The following NKAIN3 variants were observed in gnomAD, a reference collection of about 807,000 sequenced individuals.
NKAIN3 encodes sodium/potassium transporting ATPase interacting 3.
In NKAIN3, 25 loss-of-function variants were observed where a neutral mutation model predicts 30.2. That is an observed-to-expected ratio of 0.83 (90% CI 0.60 to 1.16). NKAIN3 has a LOEUF of 1.16. NKAIN3 is among the 50% of genes most tolerant of loss of function. The probability of loss-of-function intolerance (pLI) is 0.00; values close to 1 mark genes in which losing one functional copy is unlikely to be tolerated. For missense variants in NKAIN3, 225 were observed against 254.1 expected (o/e 0.89, Z 0.78); for synonymous variants, 91 against 89.6 (o/e 1.02, Z -0.09).
intron 1 of NKAIN3, among the ~76,000 whole-genome samples, chr8:62,461,691 A>C (rs942595504): frequency 3.9e-5 from 6 of 152,232 alleles, no homozygotes; most frequent in Non-Finnish European, 5.9e-5. Flanking sequence ...AGAAAAATTC[A>C]CAAGATCAGA....
chr8:62,470,997 A>G (rs1374586968), intron 1 of NKAIN3, among the ~76,000 whole-genome samples: 6 of 152,232 alleles, frequency 3.9e-5, no homozygotes, highest in South Asian at 4.1e-4. Context: ...TAAAAAAACT[A>G]AAACACACAG....
At chr8:62,836,708 C>A (rs1819377206) in intron 4 of NKAIN3, among the ~76,000 whole-genome samples, 1 of 152,086 alleles carries the variant, frequency 6.6e-6, no homozygotes, top group Non-Finnish European at 1.5e-5. Context: ...GAGGGCTTCT[C>A]ACTGCATCAT....
intron 1 of NKAIN3, among the ~76,000 whole-genome samples, chr8:62,359,918 G>T (rs768656752): frequency 6.6e-6 from 1 of 152,174 alleles, no homozygotes; most frequent in Non-Finnish European, 1.5e-5. Flanking sequence ...TGATTTCAAG[G>T]CTCTTATTAC....
chr8:62,879,160 C>A (rs541785210), intron 4 of NKAIN3, among the ~76,000 whole-genome samples: 1 of 152,290 alleles, frequency 6.6e-6, no homozygotes, highest in East Asian at 1.9e-4. Flanking sequence ...TCTCCACATC[C>A]TCTCCAGCAT....
chr8:62,333,644 A>G (rs923703361), intron 1 of NKAIN3, among the ~76,000 whole-genome samples: 11 of 152,134 alleles, frequency 7.2e-5, no homozygotes, highest in African/African-American at 2.7e-4. Flanking sequence ...ATGAACGTAT[A>G]GTAAACATAA....
At chr8:62,410,247 A>G (rs1392190291) in intron 1 of NKAIN3, among the ~76,000 whole-genome samples, 1 of 152,182 alleles carries the variant, frequency 6.6e-6, no homozygotes, top group Admixed American at 6.5e-5. Flanking sequence ...GGTTAGGATA[A>G]TGGCCTCCAG....
chr8:62,740,907 A>G (rs1361293870), intron 3 of NKAIN3, among the ~76,000 whole-genome samples: 1 of 151,982 alleles, frequency 6.6e-6, no homozygotes, highest in African/African-American at 2.4e-5. Flanking sequence ...TTAAGTCATA[A>G]CTCTGTGAAT....
At chr8:62,685,013 G>A (rs138509699) in intron 3 of NKAIN3, among the ~76,000 whole-genome samples, 12 of 152,208 alleles carry the variant, frequency 7.9e-5, no homozygotes, top group South Asian at 2.1e-4. Flanking sequence ...TAAGAGACTC[G>A]CATAGTCAGG....
At chr8:62,471,127 A>T (rs1215697911) in intron 1 of NKAIN3, among the ~76,000 whole-genome samples, 1 of 152,210 alleles carries the variant, frequency 6.6e-6, no homozygotes, top group Non-Finnish European at 1.5e-5. Flanking sequence ...GATTGCAATT[A>T]TCTAAATCTT....
At chr8:62,829,892 C>G (rs1354381588) in intron 4 of NKAIN3, among the ~76,000 whole-genome samples, 1 of 152,092 alleles carries the variant, frequency 6.6e-6, no homozygotes. Flanking sequence ...ATTCTTTTCA[C>G]TTTCATCCCA....
At chr8:62,872,942 G>A (rs1019303372) in intron 4 of NKAIN3, among the ~76,000 whole-genome samples, 1 of 152,132 alleles carries the variant, frequency 6.6e-6, no homozygotes, top group Non-Finnish European at 1.5e-5. Flanking sequence ...ACACTATGAA[G>A]AAAGTGCATC....
chr8:62,661,061 T>G (rs186242917), intron 3 of NKAIN3, among the ~76,000 whole-genome samples: 21 of 152,324 alleles, frequency 1.4e-4, no homozygotes, highest in Non-Finnish European at 2.8e-4. Flanking sequence ...CACAAGCAAT[T>G]TGAGTAAGCT....
chr8:62,281,635 C>T (rs1320238261), intron 1 of NKAIN3, among the ~76,000 whole-genome samples: 1 of 152,122 alleles, frequency 6.6e-6, no homozygotes, highest in East Asian at 1.9e-4. Flanking sequence ...GTCATGTACC[C>T]AGTAGTCATT....
intron 1 of NKAIN3, among the ~76,000 whole-genome samples, chr8:62,389,728 G>A (rs908540598): frequency 6.6e-6 from 1 of 152,224 alleles, no homozygotes; most frequent in Non-Finnish European, 1.5e-5. Context: ...AAAATGCAGA[G>A]TAACTGTTTA....
chr8:62,354,233 A>T (rs1296700903), intron 1 of NKAIN3, among the ~76,000 whole-genome samples: 1 of 152,182 alleles, frequency 6.6e-6, no homozygotes, highest in Non-Finnish European at 1.5e-5. Context: ...ATTATATGTA[A>T]TCATCAAGCT....
chr8:62,651,866 A>G (rs935192413), intron 3 of NKAIN3, among the ~76,000 whole-genome samples: 9 of 152,040 alleles, frequency 5.9e-5, no homozygotes, highest in African/African-American at 2.2e-4. Flanking sequence ...GCTATGTGAC[A>G]TGCCTGTTCT....
intron 4 of NKAIN3, among the ~76,000 whole-genome samples, chr8:62,854,505 C>T (rs72653299): frequency 0.082 from 12,537 of 152,232 alleles, 573 homozygotes; most frequent in South Asian, 0.14. Flanking sequence ...TTATCAGAAA[C>T]TTGGATTGCA....
At chr8:62,348,107 T>C (rs1190947319) in intron 1 of NKAIN3, among the ~76,000 whole-genome samples, 1 of 152,168 alleles carries the variant, frequency 6.6e-6, no homozygotes, top group African/African-American at 2.4e-5. Flanking sequence ...GCCTTGATCC[T>C]AATTTCCAAC....
At chr8:62,732,560 T>TTAC (rs2130547768) in intron 3 of NKAIN3, among the ~76,000 whole-genome samples, 1 of 151,950 alleles carries the variant, frequency 6.6e-6, no homozygotes, top group East Asian at 1.9e-4. Context: ...GCTGCATGTA[T>TTAC]TAGATCAAAC....
Sources: gnomAD v4.1 joint callset for allele counts (sites outside exome capture counted in the v4.1 genomes callset) on GRCh38, gnomAD v4.1.1 for gene constraint, MANE v1.5 for transcripts, NCBI Gene and HGNC (gene_info 2026-07-23, HGNC 2026-07-21) for gene names.